Variants in GRIK1 observed in about 807,000 individuals in gnomAD.
The protein encoded by GRIK1 is glutamate ionotropic receptor kainate type subunit 1.
GRIK1 carries 69 observed loss-of-function variants against 105.7 expected under a neutral mutation model. The ratio of observed to expected loss-of-function variants is 0.65; its 90% CI spans 0.54 to 0.80. GRIK1 has a LOEUF of 0.80. GRIK1 is among the 30% of genes least tolerant of loss of function. The pLI is 0.00. For synonymous variants in GRIK1, 438 were observed against 431.3 expected (o/e 1.02, Z -0.19); for missense variants, 1,109 against 1,167.3 (o/e 0.95, Z 0.73).
At chr21:29,813,755 G>A (rs2067074953) in intron 1 of GRIK1, among the ~76,000 whole-genome samples, 1 of 151,948 alleles carries the variant, frequency 6.6e-6, no homozygotes, top group African/African-American at 2.4e-5. Flanking sequence ...TTTCCTCTGA[G>A]TGTTTGATTT....
chr21:29,917,758 G>A (rs1298607253), intron 1 of GRIK1, among the ~76,000 whole-genome samples: 1 of 151,912 alleles, frequency 6.6e-6, no homozygotes, highest in Non-Finnish European at 1.5e-5. Flanking sequence ...TAGTTGAAAT[G>A]TTCTCAAAAT....
At position 29,642,822 on chromosome 21, in the gene GRIK1, T is replaced by C. The variant is rs1186728719; in HGVS notation, c.1098+4A>G. On this transcript the variant is annotated splice_donor_region_variant and intron_variant, in intron 7 of 17. Coordinates refer to ENST00000327783, the MANE Select transcript of GRIK1 (RefSeq NM_001330994.2). ...CCCCTGGGCTGTGAGGGAGCATCAC[T>C]TGCCTCTTTGATCAGGTTCATAAAT... 2.5e-6 allele frequency: 4 copies of C among 1,613,868 alleles called. No individual in the cohort carries two copies. Among genetic ancestry groups the C allele is most frequent in the Non-Finnish European group, 3.4e-6 (4 of 1,179,866 alleles).
intron 1 of GRIK1, among the ~76,000 whole-genome samples, chr21:29,805,136 C>G (rs537804431): frequency 1.3e-5 from 2 of 152,232 alleles, no homozygotes; most frequent in African/African-American, 4.8e-5. Flanking sequence ...TGGGCACAAA[C>G]CACCCCTCCA....
At chr21:29,611,909 T>C (rs933573482) in intron 7 of GRIK1, among the ~76,000 whole-genome samples, 1 of 152,200 alleles carries the variant, frequency 6.6e-6, no homozygotes, top group Non-Finnish European at 1.5e-5. Context: ...GTTTGAAGTG[T>C]GAGTTGCCCA....
At chr21:29,599,236 C>A (rs1440828153) in intron 7 of GRIK1, among the ~76,000 whole-genome samples, 1 of 152,182 alleles carries the variant, frequency 6.6e-6, no homozygotes, top group Non-Finnish European at 1.5e-5. Context: ...TACACAAAAT[C>A]TGAGAAATCA....
At chr21:29,740,245 G>T (rs2064893498) in intron 1 of GRIK1, among the ~76,000 whole-genome samples, 2 of 149,426 alleles carry the variant, frequency 1.3e-5, no homozygotes, top group Admixed American at 6.7e-5. Context: ...TTGAGACAGA[G>T]TCTCCCTCTG....
chr21:29,611,098 A>G (rs1388419674), intron 7 of GRIK1, among the ~76,000 whole-genome samples: 1 of 151,150 alleles, frequency 6.6e-6, no homozygotes, highest in East Asian at 2.0e-4. Context: ...ACAAAAGAAC[A>G]ACGACTGTAT....
At chr21:29,896,439 T>C (rs1350341780) in intron 1 of GRIK1, among the ~76,000 whole-genome samples, 4 of 152,210 alleles carry the variant, frequency 2.6e-5, no homozygotes, top group Non-Finnish European at 5.9e-5. Flanking sequence ...GGAAAACAAG[T>C]TCTTTGAAGA....
At chr21:29,892,578 G>A (rs28699294) in intron 1 of GRIK1, among the ~76,000 whole-genome samples, 12,583 of 152,188 alleles carry the variant, frequency 0.083, 1,400 homozygotes, top group African/African-American at 0.26. Context: ...TGGAAGGCTG[G>A]CACAGCCGTA....
intron 1 of GRIK1, among the ~76,000 whole-genome samples, chr21:29,809,667 T>A (rs948917368): frequency 1.3e-5 from 2 of 152,222 alleles, no homozygotes; most frequent in African/African-American, 2.4e-5. Context: ...ACTTTTCTCT[T>A]GCATTCACAA....
At chr21:29,784,216 G>C (rs367749416) in intron 1 of GRIK1, among the ~76,000 whole-genome samples, 3 of 152,276 alleles carry the variant, frequency 2.0e-5, no homozygotes, top group African/African-American at 7.2e-5. Context: ...CACGTTGATG[G>C]ATGTTTAAGT....
intron 7 of GRIK1, among the ~76,000 whole-genome samples, chr21:29,604,190 A>G (rs965404340): frequency 2.0e-5 from 3 of 152,182 alleles, no homozygotes; most frequent in African/African-American, 7.2e-5. Context: ...TCACGGCTGC[A>G]GAGTAATTCC....
chr21:29,739,499 A>G (rs2064874459), intron 1 of GRIK1, among the ~76,000 whole-genome samples: 1 of 152,192 alleles, frequency 6.6e-6, no homozygotes, highest in African/African-American at 2.4e-5. Flanking sequence ...GTAGAATTGA[A>G]GAAGTCTAGG....
intron 1 of GRIK1, among the ~76,000 whole-genome samples, chr21:29,741,589 CTT>C (rs2064930831): frequency 6.6e-6 from 1 of 152,134 alleles, no homozygotes; most frequent in Non-Finnish European, 1.5e-5. Flanking sequence ...TAAAAAATAA[CTT>C]ATTTAAATTT....
chr21:29,925,926 G>T (rs2071354647), intron 1 of GRIK1, among the ~76,000 whole-genome samples: 1 of 152,006 alleles, frequency 6.6e-6, no homozygotes, highest in South Asian at 2.1e-4. Flanking sequence ...GTTAAATTAG[G>T]ATAATACAAA....
chr21:29,827,613 A>G (rs1316737736), intron 1 of GRIK1, among the ~76,000 whole-genome samples: 2 of 152,102 alleles, frequency 1.3e-5, no homozygotes, highest in African/African-American at 4.8e-5. Context: ...TTTTAGATCA[A>G]CGTAAAAAGA....
chr21:29,926,837 T>C (rs2071387445), intron 1 of GRIK1, among the ~76,000 whole-genome samples: 1 of 152,224 alleles, frequency 6.6e-6, no homozygotes, highest in Non-Finnish European at 1.5e-5. Flanking sequence ...TTGTGTTTTC[T>C]ATGAAATTAT....
At chr21:29,802,671 C>G (rs1159784564) in intron 1 of GRIK1, among the ~76,000 whole-genome samples, 2 of 152,118 alleles carry the variant, frequency 1.3e-5, no homozygotes, top group Non-Finnish European at 2.9e-5. Context: ...CAATTTCAAG[C>G]CTCCATGTCT....
chr21:29,818,169 C>T (rs999678747), intron 1 of GRIK1, among the ~76,000 whole-genome samples: 1 of 152,024 alleles, frequency 6.6e-6, no homozygotes, highest in African/African-American at 2.4e-5. Flanking sequence ...CCAGCCATTC[C>T]ATATATTTCA....
Sources: gnomAD v4.1 joint callset for allele counts (sites outside exome capture counted in the v4.1 genomes callset) on GRCh38, gnomAD v4.1.1 for gene constraint, MANE v1.5 for transcripts, NCBI Gene and HGNC (gene_info 2026-07-23, HGNC 2026-07-21) for gene names.